The following MACROH2A2 variants were observed in gnomAD, a reference collection of about 807,000 sequenced individuals.
The protein encoded by MACROH2A2 is core histone macro-H2A.2.
MACROH2A2 carries 6 observed loss-of-function variants against 37.6 expected under a neutral mutation model. The ratio of observed to expected loss-of-function variants is 0.16; its 90% confidence interval spans 0.09 to 0.32. The LOEUF is 0.32. Ranked by LOEUF, MACROH2A2 falls within the 10% of genes least tolerant of loss-of-function variation. The probability of loss-of-function intolerance (pLI) is 1.00; values close to 1 mark genes in which losing one functional copy is unlikely to be tolerated. For missense variants in MACROH2A2, 290 were observed against 485.9 expected (o/e 0.60, Z 3.79); for synonymous variants, 192 against 202.7 (o/e 0.95, Z 0.45).
chr10:70,078,181 C>G (rs1384261826), intron 2 of MACROH2A2, among the ~76,000 whole-genome samples: 1 of 152,190 alleles, frequency 6.6e-6, no homozygotes, highest in Non-Finnish European at 1.5e-5. Context: ...TCTTCCTGTT[C>G]GTTCATCCAT....
chr10:70,058,867 A>G (rs1403375405), intron 1 of MACROH2A2, among the ~76,000 whole-genome samples: 2 of 152,138 alleles, frequency 1.3e-5, no homozygotes, highest in African/African-American at 2.4e-5. Flanking sequence ...CAGAATTTCA[A>G]TGAAGTGATC....
intron 2 of MACROH2A2, among the ~76,000 whole-genome samples, chr10:70,079,296 A>C (rs569141932): frequency 1.3e-4 from 20 of 151,526 alleles, no homozygotes; most frequent in African/African-American, 4.9e-4. Context: ...GATTCTTAAA[A>C]GCTCCCCCAA....
At chr10:70,060,388 GA>G (rs2072043897) in intron 1 of MACROH2A2, among the ~76,000 whole-genome samples, 1 of 151,716 alleles carries the variant, frequency 6.6e-6, no homozygotes, top group African/African-American at 2.4e-5. Flanking sequence ...GAAAGAAAAA[GA>G]AAAAAGGACA....
At position 70,111,315 on chromosome 10, in the gene MACROH2A2, G is replaced by A. The variant is rs138151412; in HGVS notation, c.954-203G>A. Among the ~76,000 whole-genome samples, 44 of 152,130 alleles carry A rather than the reference G, an allele frequency of 2.9e-4. 1 individual carries two copies. The South Asian group carries it at 6.5e-3, about 22-fold the overall frequency. ...TCAAATTAAATCATTGTGCCTCTCC[G>A]AGTCAGTGTGACACCTATAAAGTGG... On this transcript the variant is annotated intron_variant, in intron 8 of 8. Transcript: ENST00000373255.
chr10:70,105,010 G>A (rs1290563083), intron 7 of MACROH2A2, among the ~76,000 whole-genome samples: 2 of 152,254 alleles, frequency 1.3e-5, no homozygotes, highest in African/African-American at 4.8e-5. Context: ...TATTTCAGGT[G>A]CAGAGTCAGT....
intron 8 of MACROH2A2, 113 bp downstream of exon 8, chr10:70,109,320 T>C: frequency 1.1e-6 from 1 of 871,158 alleles, no homozygotes; most frequent in South Asian, 1.5e-5. Flanking sequence ...CAGCCAAGTA[T>C]GCTGACCAGA....
intron 3 of MACROH2A2, among the ~76,000 whole-genome samples, chr10:70,091,125 C>G (rs1055625446): frequency 6.6e-6 from 1 of 152,340 alleles, no homozygotes; most frequent in Middle Eastern, 3.4e-3. Flanking sequence ...ATCATTTTCT[C>G]AAGCTGCGCT....
At chr10:70,105,875 C>T (rs915493469) in intron 7 of MACROH2A2, among the ~76,000 whole-genome samples, 10 of 152,166 alleles carry the variant, frequency 6.6e-5, no homozygotes, top group South Asian at 2.1e-4. Flanking sequence ...TTACTGGGCA[C>T]GTGTTAGCCC....
chr10:70,080,006 G>A (rs548228471), intron 2 of MACROH2A2, among the ~76,000 whole-genome samples: 21 of 152,316 alleles, frequency 1.4e-4, no homozygotes, highest in East Asian at 3.9e-4. Flanking sequence ...CCAGCTGGAC[G>A]TGGTGGCTCA....
At chr10:70,079,661 T>G (rs1029586838) in intron 2 of MACROH2A2, among the ~76,000 whole-genome samples, 28 of 140,448 alleles carry the variant, frequency 2.0e-4, no homozygotes, top group Admixed American at 3.4e-4. Context: ...CACTCTGGCT[T>G]TAGGTAGAGA....
chr10:70,091,845 A>G lies in MACROH2A2; in HGVS notation c.368A>G (p.Lys123Arg), dbSNP rs1354744841. 6.2e-7 allele frequency: 1 copy of G among 1,613,994 alleles called. No individual in the cohort carries two copies. The highest frequency in any genetic ancestry group is 1.3e-5 in the African/African-American group (1 of 74,906). Residue 123 changes from lysine (K) to arginine (R), a missense_variant, in exon 4 of 9, where the codon AAG (lysine) becomes AGG (arginine). Physicochemically the swap from Lys to Arg is conservative, Grantham distance 26. Around this residue, in one of 3 missense-constraint regions of MACROH2A2, gnomAD observed 77 missense variants for 68.9 expected, o/e 1.12. Coordinates refer to ENST00000373255, the MANE Select transcript of MACROH2A2 (RefSeq NM_018649.3). The part of the protein sequence containing the change: ...LLAKKRGTKG[K>R]SETILSPPPE... Reference sequence around the variant, plus strand: ...GCCAAAAAGCGAGGGACCAAAGGCAAGTCGGAAACGATCCTCTCCCCACCC... The same window carrying G: ...GCCAAAAAGCGAGGGACCAAAGGCAGGTCGGAAACGATCCTCTCCCCACCC...
chr10:70,088,603 C>T (rs1228056149), intron 2 of MACROH2A2, among the ~76,000 whole-genome samples: 3 of 152,172 alleles, frequency 2.0e-5, no homozygotes, highest in Non-Finnish European at 4.4e-5. Flanking sequence ...GGCCAAGTGG[C>T]GTGTTTGTTA....
chr10:70,076,074 A>G (rs931548764), intron 2 of MACROH2A2, among the ~76,000 whole-genome samples: 2 of 152,226 alleles, frequency 1.3e-5, no homozygotes, highest in African/African-American at 4.8e-5. Context: ...CAATCAAGTA[A>G]GTGGCCCTCC....
intron 1 of MACROH2A2, among the ~76,000 whole-genome samples, chr10:70,058,818 C>T (rs2072032774): frequency 6.6e-6 from 1 of 152,060 alleles, no homozygotes; most frequent in Admixed American, 6.6e-5. Context: ...CACTGGGTTG[C>T]TCATCCCGAG....
chr10:70,089,017 T>C (rs1486069821), intron 2 of MACROH2A2, among the ~76,000 whole-genome samples: 1 of 152,136 alleles, frequency 6.6e-6, no homozygotes, highest in South Asian at 2.1e-4. Flanking sequence ...GGCAGGAGAA[T>C]TGCTTGAACC....
At chr10:70,080,322 G>A (rs538100490) in intron 2 of MACROH2A2, among the ~76,000 whole-genome samples, 2 of 151,858 alleles carry the variant, frequency 1.3e-5, no homozygotes, top group South Asian at 4.2e-4. Flanking sequence ...GGAGAAGAGA[G>A]AGCAAAGCAG....
chr10:70,081,068 C>CAAAAAAAAAA (rs34688764), intron 2 of MACROH2A2, among the ~76,000 whole-genome samples: 1 of 45,832 alleles, frequency 2.2e-5, no homozygotes, highest in East Asian at 7.9e-4. Flanking sequence ...CCCTGTCTCT[C>CAAAAAAAAAA]AAAAAAAAAA....
intron 1 of MACROH2A2, among the ~76,000 whole-genome samples, chr10:70,058,958 C>G (rs2072034343): frequency 6.6e-6 from 1 of 151,876 alleles, no homozygotes; most frequent in African/African-American, 2.4e-5. Flanking sequence ...TCAGCTGTTC[C>G]ATAGTAAACA....
intron 2 of MACROH2A2, among the ~76,000 whole-genome samples, chr10:70,078,911 CA>C (rs1194800631): frequency 6.6e-6 from 1 of 152,064 alleles, no homozygotes; most frequent in Non-Finnish European, 1.5e-5. Context: ...GAAGGGGGGT[CA>C]AAGTGTGGAA....
Sources: allele counts gnomAD v4.1 joint callset (sites outside exome capture counted in the v4.1 genomes callset), GRCh38; gene constraint gnomAD v4.1.1; regional missense constraint gnomAD v4.1.1; transcripts MANE v1.5; gene names NCBI Gene and HGNC (gene_info 2026-07-23, HGNC 2026-07-21).